DOCK9: variants seen among roughly 807,000 people sequenced by gnomAD.
The protein encoded by DOCK9 is dedicator of cytokinesis protein 9.
In DOCK9, 89 loss-of-function variants were observed where a neutral mutation model predicts 263.3. That is an observed-to-expected ratio of 0.34 (90% CI 0.28 to 0.40). The LOEUF (loss-of-function observed/expected upper bound fraction) is 0.40, where lower values mean the gene tolerates loss of function less well. DOCK9 is among the 10% of genes least tolerant of loss of function. The probability of loss-of-function intolerance (pLI) is 1.00; values close to 1 mark genes in which losing one functional copy is unlikely to be tolerated. For missense variants in DOCK9, 2,140 were observed against 2,603.4 expected (o/e 0.82, Z 3.87); for synonymous variants, 976 against 973.1 (o/e 1.00, Z -0.06).
At chr13:98,850,510 C>T (rs1299388495) in intron 35 of DOCK9, among the ~76,000 whole-genome samples, 1 of 148,120 alleles carries the variant, frequency 6.8e-6, no homozygotes, top group Non-Finnish European at 1.5e-5. Context: ...TGTTGAAAAT[C>T]TTTGCATATT....
rs1244245114 is a variant in DOCK9, at chr13:98,880,601, C to A, written c.2817G>T (p.Met939Ile). ...CGGCAGAAGGCTTGAGAATCGTGGT[C>A]ATGGATTTGGTCAGTTCTTCATGCA... The part of the protein sequence containing the change: ...KTVHEELTKS[M>I]TTILKPSADF... Residue 939 changes from methionine (M) to isoleucine (I), a missense_variant, in exon 26 of 53, where the codon ATG (methionine) becomes ATT (isoleucine). Transcript: ENST00000682017. 1 of 1,613,824 alleles carries A rather than the reference C, an allele frequency of 6.2e-7. No homozygotes were observed. Among genetic ancestry groups the A allele is most frequent in the Non-Finnish European group, 8.5e-7 (1 of 1,179,862 alleles).
At chr13:98,955,575 G>A (rs1411175321) in intron 1 of DOCK9, 24 bp from the exon 2 acceptor site, 1 of 1,488,946 alleles carries the variant, frequency 6.7e-7, no homozygotes, top group African/African-American at 1.4e-5. Flanking sequence ...AGATAAGCAA[G>A]ACATTCTCAT....
intron 1 of DOCK9, among the ~76,000 whole-genome samples, chr13:99,077,943 C>T (rs960580698): frequency 2.6e-5 from 4 of 152,010 alleles, no homozygotes; most frequent in African/African-American, 9.7e-5. Context: ...TGATTCATGA[C>T]AGAAAGTAAC....
intron 1 of DOCK9, among the ~76,000 whole-genome samples, chr13:98,969,835 G>C (rs897108026): frequency 1.3e-5 from 2 of 152,220 alleles, no homozygotes; most frequent in African/African-American, 4.8e-5. Flanking sequence ...GGAAAGCTGG[G>C]GTCAGGGCAC....
At chr13:99,087,351 A>G (rs544135314), upstream of DOCK9, among the ~76,000 whole-genome samples, 1 of 152,246 alleles carries the variant, frequency 6.6e-6, no homozygotes, top group Non-Finnish European at 1.5e-5. Context: ...AATACTTCGG[A>G]GCCTCGGTTA....
At chr13:98,975,904 A>G (rs1198540205) in intron 1 of DOCK9, among the ~76,000 whole-genome samples, 2 of 152,226 alleles carry the variant, frequency 1.3e-5, no homozygotes, top group African/African-American at 4.8e-5. Context: ...AGGTTGCACA[A>G]TGGTGTCTGC....
chr13:98,842,355 TTC>T (rs1387398173), intron 38 of DOCK9, among the ~76,000 whole-genome samples: 1 of 152,224 alleles, frequency 6.6e-6, no homozygotes, highest in African/African-American at 2.4e-5. Flanking sequence ...AGAAAATACT[TTC>T]TGATTCTGAT....
intron 1 of DOCK9, among the ~76,000 whole-genome samples, chr13:98,973,854 C>A (rs1405956415): frequency 6.6e-6 from 1 of 152,152 alleles, no homozygotes; most frequent in Non-Finnish European, 1.5e-5. Context: ...CCTTGGCCTC[C>A]TAAACTGCTG....
rs1362392458 is a variant in DOCK9 at position 98,925,936 on chromosome 13, T to A, written c.334-17A>T. 1 of 1,528,616 alleles carries A rather than the reference T, an allele frequency of 6.5e-7. No homozygotes were observed. Among genetic ancestry groups the A allele is most frequent in the African/African-American group, 1.4e-5 (1 of 72,184 alleles). The allele number at this position is 1,528,616 out of a possible 1,614,324, so 94.7% of individuals were successfully genotyped here. A position where few individuals can be genotyped will look rare whatever the true frequency, so the allele number is the denominator to read the frequency against. ...TTTGATGCACTATTGAAGGGGGATT[T>A]TAAAAATAGAAAATAAAAAACAGAA... On this transcript the variant is annotated splice_polypyrimidine_tract_variant and intron_variant, in intron 3 of 52. Coordinates refer to ENST00000682017, the MANE Select transcript of DOCK9 (RefSeq NM_001366683.2).
At chr13:99,046,799 C>G (rs1329952097) in intron 1 of DOCK9, among the ~76,000 whole-genome samples, 1 of 152,234 alleles carries the variant, frequency 6.6e-6, no homozygotes, top group East Asian at 1.9e-4. Context: ...AACTCCTGAC[C>G]TCTTAATCCT....
chr13:99,040,062 G>A (rs1213743514), intron 1 of DOCK9, among the ~76,000 whole-genome samples: 2 of 152,192 alleles, frequency 1.3e-5, no homozygotes, highest in African/African-American at 4.8e-5. Flanking sequence ...AATCCTCAAT[G>A]TAATATTTGG....
rs192518174 is a variant in DOCK9, at chr13:98,956,513, G to A, written c.127-962C>T. On this transcript the variant is annotated intron_variant, in intron 1 of 52. Coordinates refer to ENST00000682017, the MANE Select transcript of DOCK9 (RefSeq NM_001366683.2). ...CCGTAATCTCAGCACTTTGAGGGCC[G>A]AGATGGGTGGGTCACCTGAGGTTAG... Among the ~76,000 whole-genome samples, 7 of 152,170 alleles carry A rather than the reference G, an allele frequency of 4.6e-5. No individual in the cohort carries two copies. The East Asian group carries it at 9.7e-4, about 21-fold the overall frequency.
At chr13:98,908,943 T>C (rs980024976) in intron 9 of DOCK9, among the ~76,000 whole-genome samples, 3 of 152,198 alleles carry the variant, frequency 2.0e-5, no homozygotes, top group African/African-American at 7.2e-5. Flanking sequence ...ACAAATATCA[T>C]CCCAAAGTCT....
intron 38 of DOCK9, 78 bp downstream of exon 38, chr13:98,845,846 A>G (rs2093372879): frequency 1.3e-6 from 2 of 1,544,320 alleles, no homozygotes; most frequent in Admixed American, 1.9e-5. Flanking sequence ...GTGATGTGGT[A>G]GGTGTGGCCT....
chr13:99,035,955 T>C (rs1479413032), intron 1 of DOCK9, among the ~76,000 whole-genome samples: 1 of 152,066 alleles, frequency 6.6e-6, no homozygotes, highest in East Asian at 1.9e-4. Context: ...AAGAAGAAAT[T>C]CGGACAACAG....
At chr13:99,072,779 C>G (rs1856988069) in intron 1 of DOCK9, among the ~76,000 whole-genome samples, 1 of 152,114 alleles carries the variant, frequency 6.6e-6, no homozygotes, top group African/African-American at 2.4e-5. Flanking sequence ...GCAGGAAGAT[C>G]ACTTGAACTC....
intron 15 of DOCK9, among the ~76,000 whole-genome samples, chr13:98,895,081 G>C (rs1184984201): frequency 6.6e-6 from 1 of 150,472 alleles, no homozygotes; most frequent in Non-Finnish European, 1.5e-5. Flanking sequence ...GGGAGGCGGA[G>C]GTTGCAGTGA....
At chr13:98,927,810 A>G (rs7329819) in intron 3 of DOCK9, among the ~76,000 whole-genome samples, 113,592 of 151,358 alleles carry the variant, frequency 0.75, 42,997 homozygotes, top group Middle Eastern at 0.91. Flanking sequence ...TAGTAGAGAC[A>G]GGGTTTCACA....
At chr13:98,929,664 G>C (rs2053607121) in intron 3 of DOCK9, among the ~76,000 whole-genome samples, 1 of 151,276 alleles carries the variant, frequency 6.6e-6, no homozygotes, top group Admixed American at 6.6e-5. Flanking sequence ...AATATATATA[G>C]TAATCAATAT....
Sources: allele counts gnomAD v4.1 joint callset (sites outside exome capture counted in the v4.1 genomes callset), GRCh38; gene constraint gnomAD v4.1.1; transcripts MANE v1.5; gene names NCBI Gene and HGNC (gene_info 2026-07-23, HGNC 2026-07-21).